SH3GL3: variants seen among roughly 807,000 people sequenced by gnomAD.
SH3GL3 encodes the protein SH3 domain containing GRB2 like 3, endophilin A3.
Under a neutral mutation model 47.7 loss-of-function variants are expected in SH3GL3, and 33 were observed. The ratio of observed to expected loss-of-function variants is 0.69; its 90% CI spans 0.52 to 0.92. SH3GL3 has a LOEUF of 0.92. Among genes scored for constraint, SH3GL3 ranks in the 40% least tolerant of loss-of-function variants. The pLI, the probability that SH3GL3 is intolerant of heterozygous loss-of-function variation, is 0.00. For synonymous variants in SH3GL3, 155 were observed against 148.8 expected, an observed-to-expected ratio of 1.04 and a Z score of -0.30; for missense variants, 363 against 417.8, an observed-to-expected ratio of 0.87 and a Z score of 1.14.
intron 1 of SH3GL3, among the ~76,000 whole-genome samples, chr15:83,498,123 A>G (rs1466535843): frequency 4.6e-5 from 7 of 152,182 alleles, no homozygotes; most frequent in Non-Finnish European, 1.0e-4. Context: ...CTTGAGCTTT[A>G]GGCAGCCTAT....
intron 1 of SH3GL3, among the ~76,000 whole-genome samples, chr15:83,461,502 C>G (rs962975914): frequency 2.6e-5 from 4 of 151,290 alleles, no homozygotes; most frequent in Non-Finnish European, 5.9e-5. Context: ...CTTAAGGTAC[C>G]TATAGCAATT....
At chr15:83,463,137 A>G (rs1306850482) in intron 1 of SH3GL3, among the ~76,000 whole-genome samples, 1 of 152,244 alleles carries the variant, frequency 6.6e-6, no homozygotes, top group Non-Finnish European at 1.5e-5. Context: ...ACTTTCTAAA[A>G]TAACTCCACA....
At chr15:83,550,606 T>A (rs1186499065) in intron 1 of SH3GL3, among the ~76,000 whole-genome samples, 1 of 152,136 alleles carries the variant, frequency 6.6e-6, no homozygotes, top group East Asian at 1.9e-4. Flanking sequence ...GCCAGGCTGG[T>A]CTCAAACTCC....
At chr15:83,547,552 T>C (rs2044464868) in intron 1 of SH3GL3, among the ~76,000 whole-genome samples, 2 of 152,094 alleles carry the variant, frequency 1.3e-5, no homozygotes, top group South Asian at 4.1e-4. Context: ...GCTCACCTGA[T>C]TTTTGGTTCT....
intron 1 of SH3GL3, among the ~76,000 whole-genome samples, chr15:83,457,947 AT>A (rs972718204): frequency 3.3e-5 from 5 of 152,154 alleles, no homozygotes; most frequent in Non-Finnish European, 7.4e-5. Flanking sequence ...GAAAGCAGGG[AT>A]TTTTTTCCCT....
At chr15:83,507,852 C>T (rs544130109) in intron 1 of SH3GL3, among the ~76,000 whole-genome samples, 6 of 152,198 alleles carry the variant, frequency 3.9e-5, no homozygotes, top group South Asian at 4.2e-4. Flanking sequence ...GTATATTATA[C>T]GGTAACTACT....
At chr15:83,462,855 G>T (rs76606251) in intron 1 of SH3GL3, among the ~76,000 whole-genome samples, 2,684 of 152,204 alleles carry the variant, frequency 0.018, 36 homozygotes, top group Non-Finnish European at 0.027. Flanking sequence ...GGCTAAAATG[G>T]CTTGATACTG....
chr15:83,488,765 A>G (rs975065398), intron 1 of SH3GL3, among the ~76,000 whole-genome samples: 2 of 152,322 alleles, frequency 1.3e-5, no homozygotes, highest in African/African-American at 4.8e-5. Context: ...GCTGATGTTC[A>G]CTAGCCACTG....
intron 1 of SH3GL3, among the ~76,000 whole-genome samples, chr15:83,556,377 G>T (rs11639305): frequency 0.079 from 12,026 of 152,274 alleles, 523 homozygotes; most frequent in Middle Eastern, 0.14. Context: ...AGAAACGAAT[G>T]ATCATGACTC....
chr15:83,488,755 G>C (rs1011358802), intron 1 of SH3GL3, among the ~76,000 whole-genome samples: 1 of 152,214 alleles, frequency 6.6e-6, no homozygotes, highest in African/African-American at 2.4e-5. Context: ...GGGTTTTGTG[G>C]CTGATGTTCA....
At chr15:83,556,665 T>TGCAG (rs544508567) in intron 1 of SH3GL3, among the ~76,000 whole-genome samples, 176 of 152,306 alleles carry the variant, frequency 1.2e-3, no homozygotes, top group Middle Eastern at 0.01. Flanking sequence ...TCACAGGAAA[T>TGCAG]GCAGGCCACT....
intron 1 of SH3GL3, among the ~76,000 whole-genome samples, chr15:83,533,176 A>C (rs868201833): frequency 6.6e-6 from 1 of 152,234 alleles, no homozygotes; most frequent in African/African-American, 2.4e-5. Context: ...CTTAAGAGGC[A>C]GTTCTGAGGA....
intron 1 of SH3GL3, among the ~76,000 whole-genome samples, chr15:83,528,455 G>A (rs965714975): frequency 1.3e-5 from 2 of 151,976 alleles, no homozygotes; most frequent in African/African-American, 4.8e-5. Context: ...TCACTTTATG[G>A]CATCCCATAT....
intron 1 of SH3GL3, among the ~76,000 whole-genome samples, chr15:83,529,675 A>G (rs1470075875): frequency 1.8e-5 from 2 of 111,502 alleles, no homozygotes; most frequent in Non-Finnish European, 3.3e-5. Flanking sequence ...CTTGTCCCCA[A>G]GGTGCAGATA....
intron 8 of SH3GL3, among the ~76,000 whole-genome samples, chr15:83,606,470 G>A (rs1567033040): frequency 2.6e-5 from 4 of 152,238 alleles, no homozygotes; most frequent in Admixed American, 2.0e-4. Flanking sequence ...CTACATTTCC[G>A]AAGAGGAAAT....
chr15:83,518,504 T>TTTTTTGCATG (rs2043081864), intron 1 of SH3GL3, among the ~76,000 whole-genome samples: 2 of 152,254 alleles, frequency 1.3e-5, no homozygotes, highest in Admixed American at 1.3e-4. Flanking sequence ...GTGGAGCATT[T>TTTTTTGCATG]TTTTTGCATG....
intron 1 of SH3GL3, among the ~76,000 whole-genome samples, chr15:83,483,389 G>T (rs1320250891): frequency 2.6e-5 from 4 of 152,106 alleles, no homozygotes; most frequent in Admixed American, 2.6e-4. Flanking sequence ...TTTGAAATGT[G>T]GCTAGTGCAA....
chr15:83,538,198 G>A (rs1022326585), intron 1 of SH3GL3, among the ~76,000 whole-genome samples: 23 of 152,010 alleles, frequency 1.5e-4, no homozygotes, highest in Non-Finnish European at 1.6e-4. Context: ...TTCCAGATGC[G>A]GATTGTCAGA....
At chr15:83,520,920 T>G (rs535250640) in intron 1 of SH3GL3, among the ~76,000 whole-genome samples, 1 of 152,278 alleles carries the variant, frequency 6.6e-6, no homozygotes, top group Non-Finnish European at 1.5e-5. Context: ...GTTGTGTATC[T>G]TAAACATATG....
Sources: gnomAD v4.1 joint callset for allele counts (sites outside exome capture counted in the v4.1 genomes callset) on GRCh38, gnomAD v4.1.1 for gene constraint, MANE v1.5 for transcripts, NCBI Gene and HGNC (gene_info 2026-07-23, HGNC 2026-07-21) for gene names.